Variants in CADPS observed in about 807,000 individuals in gnomAD.
CADPS encodes the protein calcium-dependent secretion activator 1.
A neutral mutation model predicts 167.3 loss-of-function variants in CADPS; 57 were observed. The ratio of observed to expected loss-of-function variants is 0.34; its 90% confidence interval spans 0.28 to 0.42. The LOEUF is 0.42. CADPS is among the 20% of genes least tolerant of loss of function. The pLI is 1.00. For synonymous variants in CADPS, 676 were observed against 635.3 expected (o/e 1.06, Z -0.96); for missense variants, 1,414 against 1,738.1 (o/e 0.81, Z 3.32).
At chr3:62,613,321 C>T (rs1182552557) in intron 6 of CADPS, among the ~76,000 whole-genome samples, 1 of 152,158 alleles carries the variant, frequency 6.6e-6, no homozygotes, top group Non-Finnish European at 1.5e-5. Flanking sequence ...CTCTCTGTGG[C>T]TCAGCTCCAG....
intron 6 of CADPS, among the ~76,000 whole-genome samples, chr3:62,628,876 C>A (rs1428408436): frequency 6.6e-6 from 1 of 152,098 alleles, no homozygotes; most frequent in African/African-American, 2.4e-5. Context: ...TCACCCGCCT[C>A]AGCCTCCCAA....
intron 8 of CADPS, among the ~76,000 whole-genome samples, chr3:62,583,613 G>A (rs1359195472): frequency 1.3e-5 from 2 of 152,046 alleles, no homozygotes; most frequent in African/African-American, 4.8e-5. Context: ...GGCATAATTT[G>A]GCCTCAAGAC....
rs948917973 is a variant in CADPS, at chr3:62,416,964, A to G, written c.3778-13779T>C. ...GAGTGGCGCGATCACGGCTCACTGC[A>G]GCCTCAACCTCCCTGGGCTCAGGTG... On this transcript the variant is annotated intron_variant, in intron 28 of 29. Coordinates refer to ENST00000383710, the MANE Select transcript of CADPS (RefSeq NM_003716.4). Among the ~76,000 whole-genome samples the G allele has an allele frequency of 4.6e-5, 7 of 151,804 alleles. No homozygotes were observed. The East Asian group carries it at 1.2e-3, about 25-fold the overall frequency.
intron 19 of CADPS, 72 bp from the exon 20 acceptor site, chr3:62,492,518 C>A: frequency 1.4e-6 from 2 of 1,425,586 alleles, no homozygotes; most frequent in Non-Finnish European, 9.8e-7. Flanking sequence ...GACGTGAATT[C>A]CAGCCCTCAC....
At chr3:62,649,541 GTCTTTTTT>G (rs1340090204) in intron 5 of CADPS, among the ~76,000 whole-genome samples, 2 of 75,004 alleles carry the variant, frequency 2.7e-5, no homozygotes, top group African/African-American at 9.6e-5. Flanking sequence ...ACAATATGTG[GTCTTTTTT>G]TTTTTTTTTT....
chr3:62,740,979 A>G (rs1442052439), intron 3 of CADPS, among the ~76,000 whole-genome samples: 2 of 152,148 alleles, frequency 1.3e-5, no homozygotes, highest in African/African-American at 4.8e-5. Flanking sequence ...TATTCCTTCA[A>G]ATTGCATTGT....
chr3:62,617,728 TCA>T (rs1439744155), intron 6 of CADPS, among the ~76,000 whole-genome samples: 1 of 152,100 alleles, frequency 6.6e-6, no homozygotes, highest in Admixed American at 6.6e-5. Context: ...TTCTTTCCTT[TCA>T]CAGAGAAGTG....
intron 28 of CADPS, among the ~76,000 whole-genome samples, chr3:62,417,991 C>T (rs1369260641): frequency 6.6e-6 from 1 of 151,690 alleles, no homozygotes; most frequent in African/African-American, 2.4e-5. Context: ...AAGTGAGATC[C>T]TAGTATCTTA....
chr3:62,581,706 G>A (rs2083468242), intron 8 of CADPS, among the ~76,000 whole-genome samples: 2 of 151,952 alleles, frequency 1.3e-5, no homozygotes, highest in Non-Finnish European at 2.9e-5. Flanking sequence ...AATTGATGGT[G>A]GATGAGAAAG....
chr3:62,769,125 A>G (rs2087778004), intron 1 of CADPS, among the ~76,000 whole-genome samples: 1 of 152,122 alleles, frequency 6.6e-6, no homozygotes, highest in South Asian at 2.1e-4. Flanking sequence ...CTGACCTCAT[A>G]GGGTTGTTGT....
intron 28 of CADPS, among the ~76,000 whole-genome samples, chr3:62,429,236 AC>A (rs1194865772): frequency 2.0e-5 from 3 of 152,274 alleles, no homozygotes; most frequent in Non-Finnish European, 4.4e-5. Flanking sequence ...TATGTGCCAA[AC>A]TTTTATGTGC....
At chr3:62,804,141 C>A (rs1318971773) in intron 1 of CADPS, among the ~76,000 whole-genome samples, 1 of 152,068 alleles carries the variant, frequency 6.6e-6, no homozygotes, top group African/African-American at 2.4e-5. Context: ...TGTCTCCATC[C>A]CCCAGTTGAT....
At chr3:62,413,523 C>T (rs1004402721) in intron 28 of CADPS, among the ~76,000 whole-genome samples, 2 of 151,968 alleles carry the variant, frequency 1.3e-5, no homozygotes, top group Non-Finnish European at 2.9e-5. Flanking sequence ...AAGTCAGTCA[C>T]GAAAAGATAA....
intron 1 of CADPS, among the ~76,000 whole-genome samples, chr3:62,809,690 A>T (rs552678746): frequency 6.6e-6 from 1 of 152,230 alleles, no homozygotes; most frequent in South Asian, 2.1e-4. Flanking sequence ...TTATTCCACT[A>T]GAACGTCAGG....
At chr3:62,585,835 T>C (rs149557144) in intron 7 of CADPS, among the ~76,000 whole-genome samples, 1 of 152,312 alleles carries the variant, frequency 6.6e-6, no homozygotes, top group Non-Finnish European at 1.5e-5. Flanking sequence ...AGGGACTTGA[T>C]TGGAGTCACA....
At chr3:62,689,869 G>T (rs924166648) in intron 3 of CADPS, among the ~76,000 whole-genome samples, 3 of 151,760 alleles carry the variant, frequency 2.0e-5, no homozygotes, top group Non-Finnish European at 2.9e-5. Context: ...TGAGAGATGA[G>T]GGGGGGCGGC....
chr3:62,405,751 C>A (rs1708255842), intron 28 of CADPS, among the ~76,000 whole-genome samples: 1 of 152,100 alleles, frequency 6.6e-6, no homozygotes, highest in Non-Finnish European at 1.5e-5. Context: ...GTATGATGCC[C>A]CATTGGCTAC....
At chr3:62,705,172 C>G (rs1484130712) in intron 3 of CADPS, among the ~76,000 whole-genome samples, 2 of 152,142 alleles carry the variant, frequency 1.3e-5, no homozygotes, top group African/African-American at 2.4e-5. Context: ...GAGTAACTCT[C>G]TCACCATTTG....
intron 1 of CADPS, among the ~76,000 whole-genome samples, chr3:62,857,254 G>C (rs980378879): frequency 6.6e-6 from 1 of 152,076 alleles, no homozygotes; most frequent in African/African-American, 2.4e-5. Flanking sequence ...GCATCGAGTT[G>C]GCAAAGCAGA....
Sources: allele counts gnomAD v4.1 joint callset (sites outside exome capture counted in the v4.1 genomes callset), GRCh38; gene constraint gnomAD v4.1.1; transcripts MANE v1.5; gene names NCBI Gene and HGNC (gene_info 2026-07-23, HGNC 2026-07-21).